TNKS: variants seen among roughly 807,000 people sequenced by gnomAD.
TNKS encodes the protein poly [ADP-ribose] polymerase tankyrase-1.
A neutral mutation model predicts 135.8 loss-of-function variants in TNKS; 72 were observed. The observed-to-expected ratio is 0.53, with a 90% CI of 0.44 to 0.64. TNKS has a LOEUF of 0.64. Ranked by LOEUF, TNKS falls within the 30% of genes least tolerant of loss-of-function variation. The pLI is 0.00. For synonymous variants in TNKS, 849 were observed against 649.3 expected (o/e 1.31, Z -4.68); for missense variants, 1,769 against 1,674.0 (o/e 1.06, Z -0.99).
intron 3 of TNKS, among the ~76,000 whole-genome samples, chr8:9,645,027 G>GT (rs1175713307): frequency 1.3e-5 from 2 of 152,132 alleles, no homozygotes; most frequent in African/African-American, 4.8e-5. Context: ...TTAAATATAT[G>GT]TTTTTTCTTC....
intron 13 of TNKS, among the ~76,000 whole-genome samples, chr8:9,729,731 TA>T (rs1220789458): frequency 6.6e-6 from 1 of 151,576 alleles, no homozygotes; most frequent in East Asian, 1.9e-4. Context: ...ATCAACTTCT[TA>T]GACATATAAT....
At position 9,766,421 on chromosome 8, in the gene TNKS, C is replaced by A. The variant is rs1386857336; in HGVS notation, c.3736C>A (p.His1246Asn). 2 of 1,579,870 alleles carry A rather than the reference C, an allele frequency of 1.3e-6. No homozygotes were observed. Among genetic ancestry groups the A allele is most frequent in the Middle Eastern group, 3.4e-4 (2 of 5,912 alleles). ...THKDRSCYIC[H>N]RQMLFCRVTL... ...CAAGGACAGGTCATGCTATATATGT[C>A]ACAGGTAAGCATCTTGCCATTAGTG... Residue 1246 changes from histidine to asparagine, a missense_variant, in exon 25 of 27, where the codon CAC becomes AAC. Around this residue, in one of 5 missense-constraint regions of TNKS, gnomAD observed 722 missense variants for 688.9 expected, o/e 1.05. Coordinates refer to ENST00000310430, the MANE Select transcript of TNKS (RefSeq NM_003747.3).
At chr8:9,709,774 G>A (rs1037318540) in intron 9 of TNKS, among the ~76,000 whole-genome samples, 181 bp from the exon 10 acceptor site, 3 of 152,146 alleles carry the variant, frequency 2.0e-5, no homozygotes, top group Non-Finnish European at 2.9e-5. Context: ...AAACGCTTAC[G>A]TTTTGTATTT....
intron 1 of TNKS, chr8:9,566,625 G>A (rs1268470618): frequency 4.5e-4 from 55 of 122,910 alleles, no homozygotes; most frequent in African/African-American, 1.4e-3. Flanking sequence ...TTTTTGAGAC[G>A]GAGTCTCGCT....
chr8:9,578,023 A>G (rs1197919459), intron 1 of TNKS, among the ~76,000 whole-genome samples: 1 of 152,200 alleles, frequency 6.6e-6, no homozygotes, highest in Non-Finnish European at 1.5e-5. Context: ...GCAGTTGTTC[A>G]ATCTTAAAGT....
intron 17 of TNKS, among the ~76,000 whole-genome samples, chr8:9,747,456 T>C (rs1806299554): frequency 6.6e-6 from 1 of 152,168 alleles, no homozygotes; most frequent in African/African-American, 2.4e-5. Flanking sequence ...TGCTAACATT[T>C]CCTCCACCCG....
At chr8:9,652,387 A>T (rs1801179847) in intron 3 of TNKS, among the ~76,000 whole-genome samples, 1 of 152,194 alleles carries the variant, frequency 6.6e-6, no homozygotes, top group Non-Finnish European at 1.5e-5. Flanking sequence ...TTTTCTTGGA[A>T]ATTATTTAAG....
intron 5 of TNKS, among the ~76,000 whole-genome samples, chr8:9,689,091 G>C (rs1314562876): frequency 6.6e-6 from 1 of 152,112 alleles, no homozygotes; most frequent in Non-Finnish European, 1.5e-5. Flanking sequence ...ATAAATTTTA[G>C]GGGAATACTA....
At chr8:9,681,890 C>T (rs2128797809) in intron 5 of TNKS, among the ~76,000 whole-genome samples, 1 of 152,114 alleles carries the variant, frequency 6.6e-6, no homozygotes, top group East Asian at 1.9e-4. Flanking sequence ...TTGTAGATAG[C>T]TTATATATCG....
At chr8:9,580,444 G>A in intron 2 of TNKS, 61 bp downstream of exon 2, 1 of 1,451,774 alleles carries the variant, frequency 6.9e-7, no homozygotes, top group South Asian at 1.2e-5. Flanking sequence ...TTTTTTTGTG[G>A]TACAAATAGT....
chr8:9,732,966 T>C (rs1305049803), intron 14 of TNKS, among the ~76,000 whole-genome samples: 2 of 152,200 alleles, frequency 1.3e-5, no homozygotes, highest in Non-Finnish European at 2.9e-5. Context: ...AATAAGCTAA[T>C]TGTATTATAT....
intron 12 of TNKS, among the ~76,000 whole-genome samples, chr8:9,725,519 A>G (rs978711033): frequency 1.3e-5 from 2 of 152,196 alleles, no homozygotes; most frequent in South Asian, 2.1e-4. Flanking sequence ...CAACCTCTTC[A>G]TAGCATCACT....
intron 3 of TNKS, among the ~76,000 whole-genome samples, chr8:9,660,003 C>T (rs1015493852): frequency 2.0e-5 from 3 of 152,150 alleles, no homozygotes; most frequent in Non-Finnish European, 4.4e-5. Flanking sequence ...TGGATAAATT[C>T]CTCGACACAT....
At chr8:9,768,172 G>A (rs1807579700) in intron 25 of TNKS, among the ~76,000 whole-genome samples, 1 of 152,060 alleles carries the variant, frequency 6.6e-6, no homozygotes, top group Non-Finnish European at 1.5e-5. Flanking sequence ...CAGGATTTCT[G>A]GAAAACAGAG....
chr8:9,711,748 C>G (rs528976384), intron 11 of TNKS, among the ~76,000 whole-genome samples: 11 of 152,134 alleles, frequency 7.2e-5, no homozygotes, highest in African/African-American at 2.7e-4. Flanking sequence ...AAAATAACTG[C>G]TTTTTTAAAA....
intron 2 of TNKS, among the ~76,000 whole-genome samples, chr8:9,581,050 A>G (rs1488850863): frequency 2.6e-5 from 4 of 152,276 alleles, no homozygotes; most frequent in African/African-American, 9.6e-5. Context: ...TGAGTGTATC[A>G]TCTGTTTTTT....
At chr8:9,768,769 C>T (rs1451462602) in intron 25 of TNKS, among the ~76,000 whole-genome samples, 1 of 152,200 alleles carries the variant, frequency 6.6e-6, no homozygotes, top group African/African-American at 2.4e-5. Flanking sequence ...CTCAAAAAGC[C>T]TCCTTCTGAT....
At chr8:9,768,030 TTTTG>T (rs200964570) in intron 25 of TNKS, among the ~76,000 whole-genome samples, 7 of 148,962 alleles carry the variant, frequency 4.7e-5, no homozygotes, top group South Asian at 2.1e-4. Context: ...TTTTGGGTTT[TTTTG>T]TTTGTTTTTT....
Position 9,602,567 on chromosome 8 carries a change from A to G in TNKS, c.899-13015A>G, listed in dbSNP as rs1037630703. ...TTGTAGCCTGTGAGGATACTAGCGG[A>G]GTCTCCAGAGCACCTGGTGGAGCCA... On this transcript the variant is annotated intron_variant, in intron 2 of 26. Transcript: ENST00000310430. Among the ~76,000 whole-genome samples the G allele has an allele frequency of 3.9e-5, 6 of 152,174 alleles. 1 individual carries two copies.
Sources: allele counts gnomAD v4.1 joint callset (sites outside exome capture counted in the v4.1 genomes callset), GRCh38; gene constraint gnomAD v4.1.1; regional missense constraint gnomAD v4.1.1; transcripts MANE v1.5; gene names NCBI Gene and HGNC (gene_info 2026-07-23, HGNC 2026-07-21).